The following NRXN3 variants were observed in gnomAD, a reference collection of about 807,000 sequenced individuals.
The protein encoded by NRXN3 is neurexin 3, also known as neurexin III.
Under a neutral mutation model 137.6 loss-of-function variants are expected in NRXN3, and 32 were observed. That is an observed-to-expected ratio of 0.23 (90% CI 0.18 to 0.31). The LOEUF (loss-of-function observed/expected upper bound fraction) is 0.31. Ranked by LOEUF, NRXN3 falls within the 10% of genes least tolerant of loss-of-function variation. The pLI, the probability that NRXN3 is intolerant of heterozygous loss-of-function variation, is 1.00. For synonymous variants in NRXN3, 798 were observed against 784.5 expected (o/e 1.02, Z -0.29); for missense variants, 1,574 against 2,062.5 (o/e 0.76, Z 4.59).
At chr14:79,852,870 C>A (rs1484992214) in intron 20 of NRXN3, among the ~76,000 whole-genome samples, 2 of 150,046 alleles carry the variant, frequency 1.3e-5, no homozygotes, top group Admixed American at 1.3e-4. Flanking sequence ...TTATATATAT[C>A]TATATATATA....
chr14:79,594,531 T>C (rs1352608606), intron 16 of NRXN3, among the ~76,000 whole-genome samples: 3 of 152,192 alleles, frequency 2.0e-5, no homozygotes, highest in Non-Finnish European at 4.4e-5. Flanking sequence ...TGATCAAAAC[T>C]AATGCAAGGG....
chr14:79,357,053 T>A (rs1228675125), intron 15 of NRXN3, among the ~76,000 whole-genome samples: 1 of 152,198 alleles, frequency 6.6e-6, no homozygotes, highest in Non-Finnish European at 1.5e-5. Flanking sequence ...GATAAATGAA[T>A]GTGTTGAAAG....
chr14:78,615,985 C>A (rs181102117), intron 4 of NRXN3, among the ~76,000 whole-genome samples: 2 of 152,108 alleles, frequency 1.3e-5, no homozygotes, highest in Admixed American at 6.5e-5. Flanking sequence ...ATCAACAAAA[C>A]CCTCAGATTC....
intron 15 of NRXN3, among the ~76,000 whole-genome samples, chr14:79,125,767 C>T (rs370243850): frequency 6.6e-6 from 1 of 152,180 alleles, no homozygotes; most frequent in South Asian, 2.1e-4. Flanking sequence ...ACCAAGTAAA[C>T]GTATTTTTTC....
chr14:78,765,498 C>A (rs1358083732), intron 8 of NRXN3, among the ~76,000 whole-genome samples: 1 of 152,052 alleles, frequency 6.6e-6, no homozygotes, highest in African/African-American at 2.4e-5. Flanking sequence ...ATAATTGCTT[C>A]TCTTGGAAGC....
Position 79,465,837 on chromosome 14 carries a change from A to G in NRXN3, c.3263-1384A>G, listed in dbSNP as rs372914735. On this transcript the variant is annotated intron_variant, in intron 15 of 20. Transcript: ENST00000335750. The stretch of plus-strand genomic sequence containing the variant: ...TGTGCTCTGAATTTTGAGATGAGTA[A>G]CCCGTGGAAGTATTCGCTATGGGTA... Among the ~76,000 whole-genome samples the G allele has an allele frequency of 2.7e-4, 41 of 152,336 alleles. No individual in the cohort carries two copies. In the East Asian group the frequency reaches 7.2e-3, roughly 27 times the overall value.
intron 4 of NRXN3, chr14:78,403,766 G>C: frequency 1.0e-6 from 1 of 985,518 alleles, no homozygotes; most frequent in Non-Finnish European, 1.2e-6. Context: ...TGGAGGGCTT[G>C]AGGAATGTGG....
intron 15 of NRXN3, among the ~76,000 whole-genome samples, chr14:78,990,702 T>C (rs2099517077): frequency 1.3e-5 from 2 of 152,116 alleles, no homozygotes; most frequent in Admixed American, 6.5e-5. Flanking sequence ...TTGAGACATA[T>C]AGGATGTGAC....
Position 78,715,027 on chromosome 14 carries a change from C to A in NRXN3, c.1932C>A (p.Ala644=). ...AGTCCTCCTGTTCACGGATGAGTGCCAAGCAGTGTGACAGCTACCCCTGCA... is the reference window on the plus strand; with the variant it reads ...AGTCCTCCTGTTCACGGATGAGTGCAAAGCAGTGTGACAGCTACCCCTGCA... The part of the protein sequence containing the change: ...GVKSSCSRMS[A]KQCDSYPCKN... The change falls in exon 8 of 21, where the codon GCC becomes GCA. Residue 644 remains alanine (A), a synonymous_variant. Coordinates refer to ENST00000335750, the MANE Select transcript of NRXN3 (RefSeq NM_001330195.2). The A allele has an allele frequency of 1.9e-6, 3 of 1,614,024 alleles. No individual in the cohort carries two copies. Among genetic ancestry groups the A allele is most frequent in the Non-Finnish European group, 2.5e-6 (3 of 1,180,022 alleles).
At chr14:79,335,379 C>A (rs74069730) in intron 15 of NRXN3, among the ~76,000 whole-genome samples, 1 of 152,044 alleles carries the variant, frequency 6.6e-6, no homozygotes, top group Admixed American at 6.6e-5. Context: ...AGTCCTGATA[C>A]TATTTTATTT....
rs2099318612 is a variant in NRXN3 at position 78,930,519 on chromosome 14, GGC to G, written c.2276-26722_2276-26721del. 4.6e-5 allele frequency among the ~76,000 whole-genome samples: 7 copies of G among 152,308 alleles called. No homozygotes were observed. In the South Asian group the frequency reaches 1.5e-3, roughly 32 times the overall value. Reference sequence around the variant, plus strand: ...GCTCTCAAGTCTGGTGGGAGAGATAGGCATGTAAACAGATGAATTACAGCACG... The same window carrying G: ...GCTCTCAAGTCTGGTGGGAGAGATAGATGTAAACAGATGAATTACAGCACG... On this transcript the variant is annotated intron_variant, in intron 10 of 20. Coordinates refer to ENST00000335750, the MANE Select transcript of NRXN3 (RefSeq NM_001330195.2).
intron 4 of NRXN3, among the ~76,000 whole-genome samples, chr14:78,448,433 A>ACC (rs2094473486): frequency 6.6e-6 from 1 of 152,238 alleles, no homozygotes; most frequent in Non-Finnish European, 1.5e-5. Flanking sequence ...GGGTTTGGGT[A>ACC]GCCAAATGAA....
chr14:79,606,608 T>C (rs760264133), intron 16 of NRXN3, among the ~76,000 whole-genome samples: 1 of 152,248 alleles, frequency 6.6e-6, no homozygotes, highest in South Asian at 2.1e-4. Flanking sequence ...CTTTCATAGC[T>C]TGTAACTTTT....
At position 78,197,482 on chromosome 14, in the gene NRXN3, A is replaced by G. The variant is rs143275972; in HGVS notation, c.-704+26808A>G. Among the ~76,000 whole-genome samples the G allele has an allele frequency of 5.5e-3, 832 of 152,340 alleles. 5 individuals carry two copies. The highest frequency in any genetic ancestry group is 8.6e-3 in the Non-Finnish European group (585 of 68,016). ...TTGGTTATGCCGTGGCTCAACCCAG[A>G]GAACTCTTAGGCAACCGGCAGGCTG... On this transcript the variant is annotated intron_variant, in intron 1 of 20. Transcript: ENST00000335750.
In NRXN3 at chr14:79,174,162, A is replaced by G. The variant is rs78886263; in HGVS notation, c.3262+186021A>G. Among the ~76,000 whole-genome samples the G allele has an allele frequency of 2.7e-3, 408 of 152,296 alleles. 1 individual carries two copies. Among genetic ancestry groups the G allele is most frequent in the African/African-American group, 9.3e-3 (387 of 41,570 alleles). On this transcript the variant is annotated intron_variant, in intron 15 of 20. Coordinates refer to ENST00000335750, the MANE Select transcript of NRXN3 (RefSeq NM_001330195.2). ...GGTGGCTAGCAGTGCCTGCCACACA[A>G]ATGAAGGTAGCGTTAATGTCTAGAC...
At chr14:78,964,112 C>T (rs1247412633) in intron 11 of NRXN3, among the ~76,000 whole-genome samples, 1 of 152,058 alleles carries the variant, frequency 6.6e-6, no homozygotes, top group Non-Finnish European at 1.5e-5. Context: ...AGAGATAAAA[C>T]CAATATTGAG....
intron 4 of NRXN3, among the ~76,000 whole-genome samples, chr14:78,442,337 T>C (rs1036841373): frequency 1.4e-5 from 2 of 146,518 alleles, no homozygotes; most frequent in African/African-American, 5.0e-5. Flanking sequence ...GAGGAGACAG[T>C]GATATGAAGA....
intron 15 of NRXN3, among the ~76,000 whole-genome samples, chr14:79,264,132 G>T (rs769464067): frequency 8.5e-5 from 13 of 152,098 alleles, no homozygotes; most frequent in Non-Finnish European, 1.6e-4. Context: ...CTGTTGCCCA[G>T]GCTAGAGTGC....
At chr14:78,985,351 A>G (rs956077616) in intron 14 of NRXN3, among the ~76,000 whole-genome samples, 2 of 152,258 alleles carry the variant, frequency 1.3e-5, no homozygotes, top group African/African-American at 4.8e-5. Flanking sequence ...TAGTAAAAAC[A>G]TAAAGCAATT....
Sources: gnomAD v4.1 joint callset for allele counts (sites outside exome capture counted in the v4.1 genomes callset) on GRCh38, gnomAD v4.1.1 for gene constraint, MANE v1.5 for transcripts, NCBI Gene and HGNC (gene_info 2026-07-23, HGNC 2026-07-21) for gene names.